Variants in ZFYVE16 observed in about 807,000 individuals in gnomAD.
ZFYVE16 encodes zinc finger FYVE-type containing 16, also known as zinc finger FYVE domain-containing protein 16.
ZFYVE16 carries 89 observed loss-of-function variants against 138.1 expected under a neutral mutation model. That is an observed-to-expected ratio of 0.64 (90% CI 0.54 to 0.77). The LOEUF (loss-of-function observed/expected upper bound fraction) is 0.77, where lower values mean the gene tolerates loss of function less well. ZFYVE16 is among the 30% of genes least tolerant of loss of function. The pLI, the probability that ZFYVE16 is intolerant of heterozygous loss-of-function variation, is 0.00. For missense variants in ZFYVE16, 1,793 were observed against 1,786.7 expected, an observed-to-expected ratio of 1.00 and a Z score of -0.06; for synonymous variants, 596 against 618.3, an observed-to-expected ratio of 0.96 and a Z score of 0.53.
chr5:80,447,251 G>T (rs1751463204), intron 7 of ZFYVE16, among the ~76,000 whole-genome samples: 1 of 125,996 alleles, frequency 7.9e-6, no homozygotes, highest in East Asian at 2.5e-4. Flanking sequence ...TGGACAACAG[G>T]GTGAGACTCC....
chr5:80,453,112 T>C (rs1434021689), intron 11 of ZFYVE16, among the ~76,000 whole-genome samples: 1 of 152,238 alleles, frequency 6.6e-6, no homozygotes, highest in African/African-American at 2.4e-5. Context: ...GTGATTACTA[T>C]TTCAGAATAG....
intron 11 of ZFYVE16, 35 bp from the exon 12 acceptor site, chr5:80,455,656 TG>T: frequency 6.5e-7 from 1 of 1,543,278 alleles, no homozygotes; most frequent in Non-Finnish European, 8.9e-7. Context: ...GGGTTTTTTT[TG>T]TTGATAGTAA....
intron 2 of ZFYVE16, among the ~76,000 whole-genome samples, chr5:80,432,200 G>A (rs1192018593): frequency 6.6e-6 from 1 of 152,214 alleles, no homozygotes; most frequent in Admixed American, 6.5e-5. Context: ...CAAGGCTACA[G>A]TAACCAAAAC....
chr5:80,445,143 A>G, intron 6 of ZFYVE16, 120 bp from the exon 7 acceptor site: 1 of 1,044,250 alleles, frequency 9.6e-7, no homozygotes, highest in Admixed American at 2.5e-5. Context: ...TGTAGCCCTG[A>G]GAATTCAGGG....
intron 15 of ZFYVE16, among the ~76,000 whole-genome samples, chr5:80,462,718 A>C (rs1046157384): frequency 1.3e-5 from 2 of 152,236 alleles, no homozygotes; most frequent in Non-Finnish European, 2.9e-5. Context: ...ATCTGAGACA[A>C]GGCAAGTCCC....
At chr5:80,428,099 A>G (rs1748404298) in intron 2 of ZFYVE16, among the ~76,000 whole-genome samples, 1 of 151,478 alleles carries the variant, frequency 6.6e-6, no homozygotes, top group South Asian at 2.1e-4. Context: ...CTGAGATTTG[A>G]AGAGAGCAGC....
chr5:80,435,351 T>C (rs1248032279), intron 3 of ZFYVE16, among the ~76,000 whole-genome samples: 1 of 152,060 alleles, frequency 6.6e-6, no homozygotes, highest in Non-Finnish European at 1.5e-5. Flanking sequence ...GTATTTTTGG[T>C]AGAGATGGGG....
chr5:80,419,482 G>T (rs1162197051), intron 1 of ZFYVE16, among the ~76,000 whole-genome samples: 1 of 152,182 alleles, frequency 6.6e-6, no homozygotes, highest in Non-Finnish European at 1.5e-5. Flanking sequence ...AAATTAGGTA[G>T]TGTGAGTCCT....
At chr5:80,426,272 G>GTGTGTGTGTGTATA (rs1370196862) in intron 1 of ZFYVE16, among the ~76,000 whole-genome samples, 8 of 26,466 alleles carry the variant, frequency 3.0e-4, no homozygotes, top group Admixed American at 6.1e-4. Flanking sequence ...GTGTGTGTGT[G>GTGTGTGTGTGTATA]TATATATATA....
intron 1 of ZFYVE16, among the ~76,000 whole-genome samples, chr5:80,419,292 G>A (rs1746730672): frequency 6.6e-6 from 1 of 152,002 alleles, no homozygotes; most frequent in Non-Finnish European, 1.5e-5. Context: ...TGCCCTGGCC[G>A]GTCTTGAACT....
chr5:80,474,235 A>G (rs994895281), intron 17 of ZFYVE16, among the ~76,000 whole-genome samples: 16 of 152,170 alleles, frequency 1.1e-4, no homozygotes, highest in African/African-American at 3.9e-4. Context: ...TTTTTAAATT[A>G]GAGGATATGA....
chr5:80,436,353 A>G (rs1749904537), intron 3 of ZFYVE16, among the ~76,000 whole-genome samples: 1 of 152,222 alleles, frequency 6.6e-6, no homozygotes, highest in Non-Finnish European at 1.5e-5. Flanking sequence ...CAAAGCAAAG[A>G]TCAAGGACAT....
chr5:80,419,164 G>A (rs1355079838), intron 1 of ZFYVE16, among the ~76,000 whole-genome samples: 1 of 150,930 alleles, frequency 6.6e-6, no homozygotes, highest in Non-Finnish European at 1.5e-5. Flanking sequence ...TGCAGCCTCA[G>A]CCTCCCTGGT....
intron 1 of ZFYVE16, among the ~76,000 whole-genome samples, chr5:80,412,787 C>T (rs928770377): frequency 6.6e-6 from 1 of 152,154 alleles, no homozygotes; most frequent in Admixed American, 6.5e-5. Context: ...TCCGTTACTA[C>T]TACTTTTTAC....
Position 80,421,499 on chromosome 5 carries a change from A to T in ZFYVE16, c.-93-5993A>T, listed in dbSNP as rs147364579. Among the ~76,000 whole-genome samples, 951 of 152,302 alleles carry T rather than the reference A, an allele frequency of 6.2e-3. 10 individuals carry two copies. Among genetic ancestry groups the T allele is most frequent in the African/African-American group, 0.021 (879 of 41,566 alleles). ...AGGTGTAAGGAAGGGATCCAGTTTC[A>T]GCTTTCTTTTTATGGCTAGCCAGTT... On this transcript the variant is annotated intron_variant, in intron 1 of 18. Transcript: ENST00000505560.
At chr5:80,456,777 C>G (rs1363426236) in intron 13 of ZFYVE16, among the ~76,000 whole-genome samples, 168 bp from the exon 14 acceptor site, 1 of 152,028 alleles carries the variant, frequency 6.6e-6, no homozygotes, top group African/African-American at 2.4e-5. Context: ...GATTACTGTT[C>G]AACTGAAGTG....
chr5:80,432,588 G>T (rs903036927), intron 2 of ZFYVE16, among the ~76,000 whole-genome samples: 1 of 152,132 alleles, frequency 6.6e-6, no homozygotes, highest in East Asian at 1.9e-4. Context: ...TGACAAATGG[G>T]ATCAGATTAA....
At chr5:80,436,275 A>G (rs946336395) in intron 3 of ZFYVE16, among the ~76,000 whole-genome samples, 3 of 152,190 alleles carry the variant, frequency 2.0e-5, no homozygotes, top group African/African-American at 4.8e-5. Context: ...ACCACAGGGG[A>G]GTGAGGGTAG....
intron 11 of ZFYVE16, chr5:80,452,007 A>G: frequency 3.7e-6 from 1 of 271,742 alleles, no homozygotes; most frequent in Non-Finnish European, 6.8e-6. Context: ...TCTGAAATGT[A>G]TTGGATCAGT....
Sources: allele counts gnomAD v4.1 joint callset (sites outside exome capture counted in the v4.1 genomes callset), GRCh38; gene constraint gnomAD v4.1.1; transcripts MANE v1.5; gene names NCBI Gene and HGNC (gene_info 2026-07-23, HGNC 2026-07-21).